The following DGLUCY variants were observed in gnomAD, a reference collection of about 807,000 sequenced individuals.
DGLUCY encodes D-glutamate cyclase.
DGLUCY carries 58 observed loss-of-function variants against 58.5 expected under a neutral mutation model. That is an observed-to-expected ratio of 0.99 (90% CI 0.80 to 1.23). The LOEUF is 1.23. DGLUCY is among the 50% of genes most tolerant of loss of function. DGLUCY has a pLI of 0.00. For missense variants in DGLUCY, 779 were observed against 784.7 expected (o/e 0.99, Z 0.09); for synonymous variants, 325 against 314.1 (o/e 1.03, Z -0.37).
chr14:91,205,842 C>CTTCT (rs1555406087), intron 12 of DGLUCY, among the ~76,000 whole-genome samples: 1,090 of 70,728 alleles, frequency 0.015, 31 homozygotes, highest in Non-Finnish European at 0.022. Context: ...TCTTCTTCTT[C>CTTCT]TTTTTTTTTT....
At chr14:91,179,478 G>A (rs1044916608) in intron 7 of DGLUCY, among the ~76,000 whole-genome samples, 11 of 151,666 alleles carry the variant, frequency 7.3e-5, no homozygotes, top group Admixed American at 6.6e-5. Flanking sequence ...GAGGCTGGGT[G>A]CGGTGGCTCA....
At chr14:91,146,260 G>A (rs2047006938) in intron 1 of DGLUCY, among the ~76,000 whole-genome samples, 1 of 152,212 alleles carries the variant, frequency 6.6e-6, no homozygotes, top group Non-Finnish European at 1.5e-5. Flanking sequence ...GTTGGGATCT[G>A]AACTCAAGTT....
At chr14:91,112,209 A>G (rs2044714926), upstream of DGLUCY, among the ~76,000 whole-genome samples, 2 of 151,720 alleles carry the variant, frequency 1.3e-5, no homozygotes, top group South Asian at 4.2e-4. Flanking sequence ...ACACCGCACC[A>G]TTACACTCCA....
At chr14:91,183,690 G>A (rs747276797) in intron 8 of DGLUCY, among the ~76,000 whole-genome samples, 5 of 152,166 alleles carry the variant, frequency 3.3e-5, no homozygotes, top group Non-Finnish European at 7.3e-5. Context: ...TTTAACAGGT[G>A]AGGAAACTGA....
chr14:91,161,305 C>T (rs1379887649), intron 3 of DGLUCY, among the ~76,000 whole-genome samples: 1 of 152,202 alleles, frequency 6.6e-6, no homozygotes, highest in Non-Finnish European at 1.5e-5. Context: ...CTCCTGACCT[C>T]GTGATCCGCT....
intron 9 of DGLUCY, 37 bp downstream of exon 9, chr14:91,189,207 C>T (rs2273482): frequency 0.12 from 191,627 of 1,609,320 alleles, 13,363 homozygotes; most frequent in African/African-American, 0.26. Context: ...TTTCCCCAAA[C>T]GGGCTTTGTG....
chr14:91,138,550 G>A (rs79553846), intron 1 of DGLUCY, among the ~76,000 whole-genome samples: 3,655 of 152,240 alleles, frequency 0.024, 70 homozygotes, highest in Non-Finnish European at 0.04. Flanking sequence ...AAGGAAAGAG[G>A]TCTAATCCCC....
At chr14:91,183,743 T>G (rs185619483) in intron 8 of DGLUCY, among the ~76,000 whole-genome samples, 183 of 152,304 alleles carry the variant, frequency 1.2e-3, no homozygotes, top group African/African-American at 4.1e-3. Context: ...ACATACCTAG[T>G]AGGTGGTCAG....
At chr14:91,093,126 A>T (rs965354823) in intron 1 of DGLUCY, among the ~76,000 whole-genome samples, 1 of 152,026 alleles carries the variant, frequency 6.6e-6, no homozygotes, top group African/African-American at 2.4e-5. Context: ...AAATGAATAG[A>T]TACAACAGAA....
intron 1 of DGLUCY, among the ~76,000 whole-genome samples, chr14:91,067,093 A>AG (rs1212613907): frequency 6.6e-6 from 1 of 151,560 alleles, no homozygotes; most frequent in Non-Finnish European, 1.5e-5. Context: ...AAAAAAAAAA[A>AG]AAAAAAGAAA....
At chr14:91,100,247 C>T (rs1001132423) in intron 1 of DGLUCY, among the ~76,000 whole-genome samples, 3 of 152,066 alleles carry the variant, frequency 2.0e-5, no homozygotes, top group Non-Finnish European at 4.4e-5. Flanking sequence ...GAAATGTCAT[C>T]GCTGGCAGTG....
At chr14:91,193,713 G>A (rs1242438253) in intron 9 of DGLUCY, among the ~76,000 whole-genome samples, 2 of 152,030 alleles carry the variant, frequency 1.3e-5, no homozygotes, top group Non-Finnish European at 1.5e-5. Flanking sequence ...GTGGTGGCAC[G>A]CGCCTGTAGT....
intron 13 of DGLUCY, among the ~76,000 whole-genome samples, chr14:91,223,054 C>T (rs1433879466): frequency 6.6e-6 from 1 of 152,232 alleles, no homozygotes; most frequent in African/African-American, 2.4e-5. Flanking sequence ...ACCCCACTTT[C>T]AAATTCCAAC....
At chr14:91,185,059 C>T (rs897226161) in intron 8 of DGLUCY, among the ~76,000 whole-genome samples, 11 of 151,926 alleles carry the variant, frequency 7.2e-5, no homozygotes, top group African/African-American at 2.7e-4. Context: ...CCGCCACCTC[C>T]TGGGTTCAAG....
intron 1 of DGLUCY, among the ~76,000 whole-genome samples, chr14:91,142,834 C>A (rs12883943): frequency 1.8e-5 from 2 of 112,762 alleles, no homozygotes; most frequent in Non-Finnish European, 3.6e-5. Flanking sequence ...CACACCATCT[C>A]TACTAAACAC....
chr14:91,132,811 C>T (rs1044693410), intron 1 of DGLUCY, among the ~76,000 whole-genome samples: 1 of 152,044 alleles, frequency 6.6e-6, no homozygotes, highest in Admixed American at 6.6e-5. Flanking sequence ...TGCAACTCCT[C>T]AGTCATCCCT....
chr14:91,124,794 A>G (rs1329768504), intron 1 of DGLUCY, among the ~76,000 whole-genome samples: 1 of 152,182 alleles, frequency 6.6e-6, no homozygotes, highest in Non-Finnish European at 1.5e-5. Context: ...CTTAGAAGCA[A>G]AATTTATTCA....
chr14:91,065,654 C>T (rs2043807757), intron 1 of DGLUCY, among the ~76,000 whole-genome samples: 1 of 152,140 alleles, frequency 6.6e-6, no homozygotes, highest in African/African-American at 2.4e-5. Flanking sequence ...ATGCACAACT[C>T]TTGCACAACT....
At chr14:91,087,839 TA>T (rs1483000614) in intron 1 of DGLUCY, among the ~76,000 whole-genome samples, 1 of 152,216 alleles carries the variant, frequency 6.6e-6, no homozygotes, top group African/African-American at 2.4e-5. Flanking sequence ...CTGCAGAAAG[TA>T]AAAATGTCCT....
Sources: allele counts gnomAD v4.1 joint callset (sites outside exome capture counted in the v4.1 genomes callset), GRCh38; gene constraint gnomAD v4.1.1; transcripts MANE v1.5; gene names NCBI Gene and HGNC (gene_info 2026-07-23, HGNC 2026-07-21).